Variants in AKAP7 observed in about 807,000 individuals in gnomAD.
AKAP7 encodes the protein A-kinase anchoring protein 7.
Under a neutral mutation model 39.5 loss-of-function variants are expected in AKAP7, and 39 were observed. The observed-to-expected ratio is 0.99, with a 90% CI of 0.76 to 1.29. The LOEUF is 1.29. AKAP7 is among the 50% of genes most tolerant of loss of function. The pLI is 0.00. For synonymous variants in AKAP7, 140 were observed against 139.1 expected, an observed-to-expected ratio of 1.01 and a Z score of -0.05; for missense variants, 414 against 407.7, an observed-to-expected ratio of 1.02 and a Z score of -0.13.
chr6:131,169,244 A>C lies in AKAP7; in HGVS notation c.560A>C (p.Asp187Ala). 1 of 1,614,092 alleles carries C rather than the reference A, an allele frequency of 6.2e-7. No homozygotes were observed. The highest frequency in any genetic ancestry group is 8.5e-7 in the Non-Finnish European group (1 of 1,179,972). ...QVGFVKLAEG[D>A]HVNSLLEIAE... is the part of the protein sequence containing the mutation. ...GGATTTGTGAAGCTGGCAGAAGGAG[A>C]TCATGTAAACTCACTTTTGGAGATA... The change falls in exon 5 of 8, where the codon GAT becomes GCT. Residue 187 changes from aspartate to alanine, a missense_variant. Physicochemically the swap from Asp to Ala is moderately radical, Grantham distance 126. Transcript: ENST00000431975.
At chr6:131,153,143 A>AAG (rs547988566) in intron 2 of AKAP7, among the ~76,000 whole-genome samples, 3 of 151,428 alleles carry the variant, frequency 2.0e-5, no homozygotes, top group Admixed American at 6.6e-5. Flanking sequence ...AAAAAAAAAA[A>AAG]AGAGAGAGAG....
chr6:131,178,378 C>T (rs1213308771), intron 5 of AKAP7, among the ~76,000 whole-genome samples: 3 of 152,256 alleles, frequency 2.0e-5, no homozygotes, highest in South Asian at 2.1e-4. Flanking sequence ...GTATTGGGCA[C>T]GCAGACAATG....
At chr6:131,226,125 A>G (rs1468375289) in intron 7 of AKAP7, among the ~76,000 whole-genome samples, 1 of 152,198 alleles carries the variant, frequency 6.6e-6, no homozygotes, top group Non-Finnish European at 1.5e-5. Flanking sequence ...GAGCGTAGCT[A>G]TCTTTTATCA....
intron 2 of AKAP7, among the ~76,000 whole-genome samples, chr6:131,157,912 C>T (rs1447355435): frequency 6.6e-6 from 1 of 152,132 alleles, no homozygotes; most frequent in African/African-American, 2.4e-5. Flanking sequence ...ATGATATGGT[C>T]AGATATATTG....
intron 7 of AKAP7, among the ~76,000 whole-genome samples, chr6:131,248,258 T>C (rs1173909135): frequency 1.3e-5 from 2 of 152,176 alleles, no homozygotes; most frequent in Non-Finnish European, 2.9e-5. Flanking sequence ...ATAATGAACT[T>C]ACCTGAATTA....
intron 7 of AKAP7, among the ~76,000 whole-genome samples, chr6:131,271,375 G>C (rs1476812371): frequency 6.6e-6 from 1 of 152,044 alleles, no homozygotes; most frequent in African/African-American, 2.4e-5. Flanking sequence ...TGTGAGTCTA[G>C]TTGCGGATTT....
chr6:131,275,572 T>C (rs1562260238), intron 7 of AKAP7, among the ~76,000 whole-genome samples: 1 of 152,138 alleles, frequency 6.6e-6, no homozygotes, highest in Non-Finnish European at 1.5e-5. Flanking sequence ...GAGAAAAGTC[T>C]CTAAGGGGCT....
At chr6:131,241,623 G>GTATACGTATATATA (rs1228757342) in intron 7 of AKAP7, among the ~76,000 whole-genome samples, 930 of 68,564 alleles carry the variant, frequency 0.014, 38 homozygotes, top group African/African-American at 0.035. Flanking sequence ...GTGTGTGTGT[G>GTATACGTATATATA]TGTGTATATA....
chr6:131,196,352 G>A (rs905316661), intron 5 of AKAP7, among the ~76,000 whole-genome samples: 4 of 145,338 alleles, frequency 2.8e-5, no homozygotes, highest in Non-Finnish European at 6.0e-5. Context: ...TGCAACCTCC[G>A]CCTCCCAGGT....
chr6:131,207,491 A>ATATTTTTTTTTTTTT (rs1554211848), intron 6 of AKAP7, among the ~76,000 whole-genome samples: 5 of 78,796 alleles, frequency 6.3e-5, no homozygotes, highest in African/African-American at 2.5e-4. Context: ...GCTAATTAAA[A>ATATTTTTTTTTTTTT]TTTTTTTTTT....
intron 2 of AKAP7, among the ~76,000 whole-genome samples, chr6:131,148,395 C>T (rs935852149): frequency 6.6e-6 from 1 of 152,116 alleles, no homozygotes; most frequent in African/African-American, 2.4e-5. Flanking sequence ...AAGGGAAAAA[C>T]AGAAAACTTG....
chr6:131,233,142 T>A (rs948040124), intron 7 of AKAP7, among the ~76,000 whole-genome samples: 2 of 151,932 alleles, frequency 1.3e-5, no homozygotes, highest in African/African-American at 4.8e-5. Flanking sequence ...AGTGTTATTT[T>A]AAAAAAACCT....
chr6:131,209,709 GA>G (rs1199230054), intron 6 of AKAP7, among the ~76,000 whole-genome samples: 1 of 152,030 alleles, frequency 6.6e-6, no homozygotes, highest in African/African-American at 2.4e-5. Flanking sequence ...TTAGTTATGG[GA>G]AAAATGTTTT....
chr6:131,244,506 G>A (rs1420265140), intron 7 of AKAP7, among the ~76,000 whole-genome samples: 1 of 152,170 alleles, frequency 6.6e-6, no homozygotes, highest in Non-Finnish European at 1.5e-5. Context: ...AGTGCTCTCA[G>A]TGCTCTACTG....
chr6:131,195,172 T>C (rs1295649060), intron 5 of AKAP7, among the ~76,000 whole-genome samples: 1 of 152,156 alleles, frequency 6.6e-6, no homozygotes, highest in Non-Finnish European at 1.5e-5. Context: ...TAACTTAATT[T>C]CTCAGTTTTT....
At chr6:131,220,025 T>G (rs574004835) in intron 7 of AKAP7, among the ~76,000 whole-genome samples, 1 of 152,316 alleles carries the variant, frequency 6.6e-6, no homozygotes, top group Admixed American at 6.5e-5. Context: ...TTTTTATACT[T>G]CTGGCTTTAA....
chr6:131,260,022 C>A (rs992341129), intron 7 of AKAP7, among the ~76,000 whole-genome samples: 46 of 152,004 alleles, frequency 3.0e-4, no homozygotes, highest in African/African-American at 1.1e-3. Context: ...ATTGTTCAGC[C>A]CCTACTTGTA....
intron 5 of AKAP7, among the ~76,000 whole-genome samples, chr6:131,196,617 C>A (rs966075981): frequency 1.3e-5 from 2 of 151,982 alleles, no homozygotes; most frequent in African/African-American, 4.8e-5. Context: ...ATTTCAATAT[C>A]TTTGTTAAAT....
chr6:131,130,769 T>C (rs1485125128), upstream of AKAP7, among the ~76,000 whole-genome samples: 4 of 152,142 alleles, frequency 2.6e-5, no homozygotes, highest in African/African-American at 7.2e-5. Flanking sequence ...TAGCTTAGAA[T>C]GATTCATTAG....
Sources: allele counts gnomAD v4.1 joint callset (sites outside exome capture counted in the v4.1 genomes callset), GRCh38; gene constraint gnomAD v4.1.1; transcripts MANE v1.5; gene names NCBI Gene and HGNC (gene_info 2026-07-23, HGNC 2026-07-21).